SPIDR: variants seen among roughly 807,000 people sequenced by gnomAD.
SPIDR encodes scaffold protein involved in DNA repair.
In SPIDR, 93 loss-of-function variants were observed where a neutral mutation model predicts 104.6. That is an observed-to-expected ratio of 0.89 (90% CI 0.75 to 1.06). The LOEUF (loss-of-function observed/expected upper bound fraction) is 1.06, where lower values mean the gene tolerates loss of function less well. Among genes scored for constraint, SPIDR ranks in the 50% least tolerant of loss-of-function variants. The probability of loss-of-function intolerance (pLI) is 0.00; values close to 1 mark genes in which losing one functional copy is unlikely to be tolerated. For missense variants in SPIDR, 1,154 were observed against 1,111.2 expected, an observed-to-expected ratio of 1.04 and a Z score of -0.55; for synonymous variants, 431 against 416.9, an observed-to-expected ratio of 1.03 and a Z score of -0.41.
intron 5 of SPIDR, among the ~76,000 whole-genome samples, chr8:47,322,866 C>T (rs531710815): frequency 6.6e-6 from 1 of 152,076 alleles, no homozygotes; most frequent in Middle Eastern, 3.4e-3. Context: ...CATGTTCTCA[C>T]TCATAGGTGG....
intron 10 of SPIDR, among the ~76,000 whole-genome samples, chr8:47,602,542 A>C (rs185305188): frequency 1.2e-4 from 19 of 152,338 alleles, no homozygotes; most frequent in African/African-American, 2.4e-5. Context: ...TTTGTTTGCC[A>C]CAATAGTTGC....
intron 17 of SPIDR, among the ~76,000 whole-genome samples, chr8:47,728,366 G>A (rs2084635140): frequency 6.6e-6 from 1 of 151,998 alleles, no homozygotes; most frequent in Non-Finnish European, 1.5e-5. Flanking sequence ...ACCAGGGGGA[G>A]GTGGAGGTTG....
intron 8 of SPIDR, among the ~76,000 whole-genome samples, chr8:47,466,896 A>T (rs2074884114): frequency 1.1e-5 from 1 of 93,194 alleles, no homozygotes; most frequent in Admixed American, 1.1e-4. Context: ...TGAAAAAAAA[A>T]AAAAATATAT....
intron 5 of SPIDR, among the ~76,000 whole-genome samples, chr8:47,356,510 A>T (rs2054582365): frequency 6.6e-6 from 1 of 152,180 alleles, no homozygotes. Flanking sequence ...TAATTAGGAA[A>T]AATAGTTAAA....
intron 8 of SPIDR, among the ~76,000 whole-genome samples, chr8:47,530,595 AAGTTGTTCTGGGGTCAGGG>A (rs1340458603): frequency 2.0e-5 from 3 of 152,308 alleles, no homozygotes; most frequent in Non-Finnish European, 4.4e-5. Flanking sequence ...GCAGGACTGG[AAGTTGTTCTGGGGTCAGGG>A]GCCATCAGTG....
intron 5 of SPIDR, among the ~76,000 whole-genome samples, chr8:47,314,455 C>T (rs1554588039): frequency 6.6e-6 from 1 of 152,150 alleles, no homozygotes. Context: ...TTAATTGACC[C>T]AGTTCAGCAT....
intron 11 of SPIDR, among the ~76,000 whole-genome samples, chr8:47,681,660 A>G (rs2077112412): frequency 6.6e-6 from 1 of 152,224 alleles, no homozygotes; most frequent in South Asian, 2.1e-4. Flanking sequence ...ATAACTCTCT[A>G]AGGCTTCAAC....
At chr8:47,370,084 C>G (rs1440881984) in intron 5 of SPIDR, among the ~76,000 whole-genome samples, 2 of 151,118 alleles carry the variant, frequency 1.3e-5, no homozygotes, top group Non-Finnish European at 2.9e-5. Flanking sequence ...TCATGATTGT[C>G]TCCGAAAAAG....
chr8:47,303,520 C>A (rs2042598020), intron 5 of SPIDR, among the ~76,000 whole-genome samples: 1 of 152,178 alleles, frequency 6.6e-6, no homozygotes, highest in African/African-American at 2.4e-5. Flanking sequence ...CAGAAATCAC[C>A]CGTCTTCTGC....
At chr8:47,653,904 AAG>A (rs1306567087) in intron 10 of SPIDR, 15 of 922,274 alleles carry the variant, frequency 1.6e-5, no homozygotes, top group Non-Finnish European at 1.9e-5. Flanking sequence ...AAAAAGGAAA[AAG>A]AATTGTTTAC....
intron 8 of SPIDR, among the ~76,000 whole-genome samples, chr8:47,442,575 A>C (rs1201704261): frequency 6.6e-6 from 1 of 152,134 alleles, no homozygotes; most frequent in Non-Finnish European, 1.5e-5. Flanking sequence ...AGCATCTCTT[A>C]CCTTGAACCT....
At position 47,282,765 on chromosome 8, in the gene SPIDR, A is replaced by G. The variant is rs1712818031; in HGVS notation, c.190-1263A>G. On this transcript the variant is annotated intron_variant, in intron 2 of 19. Transcript: ENST00000297423. ...TTCCCTTTGTATTCACAACTGGCTTAACGGTTTGGCTCAAGAGGTCTAGCT... is the reference window on the plus strand; with the variant it reads ...TTCCCTTTGTATTCACAACTGGCTTGACGGTTTGGCTCAAGAGGTCTAGCT... Among the ~76,000 whole-genome samples, 4 of 152,342 alleles carry G rather than the reference A, an allele frequency of 2.6e-5. No homozygotes were observed. The South Asian group carries it at 6.2e-4, about 24-fold the overall frequency.
rs573244996 is a variant in SPIDR at position 47,719,258 on chromosome 8, C to A, written c.2341+5617C>A. On this transcript the variant is annotated intron_variant, in intron 16 of 19. Coordinates refer to ENST00000297423, the MANE Select transcript of SPIDR (RefSeq NM_001080394.4). ...GCGTGGTGGTTCATGCCTGTAATCC[C>A]AGCACTTGGGGAGGCCGAGGCAGGC... 2.6e-5 allele frequency among the ~76,000 whole-genome samples: 4 copies of A among 152,246 alleles called. No individual in the cohort carries two copies. In the South Asian group the frequency reaches 8.3e-4, roughly 32 times the overall value.
rs1388508006 is a variant in SPIDR, at chr8:47,545,104, TTTCTTTCTTTCTTTC to T, written c.1098-50704_1098-50690del. Among the ~76,000 whole-genome samples the T allele has an allele frequency of 6.2e-4, 87 of 140,090 alleles. 1 individual carries two copies. The highest frequency in any genetic ancestry group is 4.2e-3 in the South Asian group (17 of 4,030). 91.9% of individuals were successfully genotyped at this position (140,090 alleles called of 152,430 possible). ...CTTTCTTTCTTTCTTTCTTTCTTTCTTTCTTTCTTTCTTTCTTTTTTTTTTTTTTTTGTTGAAACG... is the reference window on the plus strand; with the variant it reads ...CTTTCTTTCTTTCTTTCTTTCTTTCTTTTTTTTTTTTTTTTTGTTGAAACG... On this transcript the variant is annotated intron_variant, in intron 8 of 19. Coordinates refer to ENST00000297423, the MANE Select transcript of SPIDR (RefSeq NM_001080394.4).
At chr8:47,320,837 C>A (rs975840578) in intron 5 of SPIDR, among the ~76,000 whole-genome samples, 1 of 152,030 alleles carries the variant, frequency 6.6e-6, no homozygotes, top group Non-Finnish European at 1.5e-5. Context: ...ACAGAACCAA[C>A]GAGTAAAACC....
chr8:47,661,382 G>T lies in SPIDR; in HGVS notation c.1545-12419G>T, dbSNP rs150890070. ...CAGTGCTGCATAGGGCAGAGAAGTCGCCTGCAGCCCAAGCCTTAGCTCAAG... is the reference window on the plus strand; with the variant it reads ...CAGTGCTGCATAGGGCAGAGAAGTCTCCTGCAGCCCAAGCCTTAGCTCAAG... On this transcript the variant is annotated intron_variant, in intron 10 of 19. Transcript: ENST00000297423. 7.2e-5 allele frequency among the ~76,000 whole-genome samples: 11 copies of T among 152,330 alleles called. No individual in the cohort carries two copies. The East Asian group carries it at 2.1e-3, about 29-fold the overall frequency.
intron 8 of SPIDR, among the ~76,000 whole-genome samples, chr8:47,489,618 T>G (rs2078317529): frequency 6.6e-6 from 1 of 152,148 alleles, no homozygotes; most frequent in African/African-American, 2.4e-5. Flanking sequence ...AAGGCTACAG[T>G]AACCAAAACA....
chr8:47,604,545 G>A (rs1252729280), intron 10 of SPIDR, among the ~76,000 whole-genome samples: 2 of 152,222 alleles, frequency 1.3e-5, no homozygotes, highest in African/African-American at 2.4e-5. Context: ...CCAGGTCAGA[G>A]AGGACTGGTG....
At chr8:47,413,292 C>G (rs1254016654) in intron 7 of SPIDR, among the ~76,000 whole-genome samples, 1 of 152,214 alleles carries the variant, frequency 6.6e-6, no homozygotes, top group Non-Finnish European at 1.5e-5. Context: ...TGTGAGGACT[C>G]TTAGAGACAT....
Sources: gnomAD v4.1 joint callset for allele counts (sites outside exome capture counted in the v4.1 genomes callset) on GRCh38, gnomAD v4.1.1 for gene constraint, MANE v1.5 for transcripts, NCBI Gene and HGNC (gene_info 2026-07-23, HGNC 2026-07-21) for gene names.